TAFA2: variants seen among roughly 807,000 people sequenced by gnomAD.
TAFA2 encodes the protein chemokine-like protein TAFA-2.
Under a neutral mutation model 18.8 loss-of-function variants are expected in TAFA2, and 7 were observed. The observed-to-expected ratio is 0.37, with a 90% CI of 0.21 to 0.70. The LOEUF (loss-of-function observed/expected upper bound fraction) is 0.70. Among genes scored for constraint, TAFA2 ranks in the 30% least tolerant of loss-of-function variants. TAFA2 has a pLI of 0.53. For missense variants in TAFA2, 122 were observed against 158.1 expected (o/e 0.77, Z 1.23); for synonymous variants, 60 against 54.2 (o/e 1.11, Z -0.47).
chr12:62,066,485 T>C (rs1882492274), intron 1 of TAFA2, among the ~76,000 whole-genome samples: 1 of 151,868 alleles, frequency 6.6e-6, no homozygotes, highest in Non-Finnish European at 1.5e-5. Context: ...CTGGTAACCA[T>C]CCTTCTACTC....
intron 2 of TAFA2, among the ~76,000 whole-genome samples, chr12:61,857,653 C>G (rs1276537962): frequency 6.6e-6 from 1 of 152,182 alleles, no homozygotes; most frequent in East Asian, 1.9e-4. Flanking sequence ...TTGGCCTGAA[C>G]AAGACTTTTT....
At chr12:61,751,448 CCTT>C (rs757539009) in intron 4 of TAFA2, among the ~76,000 whole-genome samples, 2 of 151,992 alleles carry the variant, frequency 1.3e-5, no homozygotes, top group Non-Finnish European at 2.9e-5. Flanking sequence ...TCAAGAAGCT[CCTT>C]CTTTCAAGTC....
At chr12:61,797,120 A>G (rs1871219453) in intron 2 of TAFA2, among the ~76,000 whole-genome samples, 1 of 152,208 alleles carries the variant, frequency 6.6e-6, no homozygotes, top group Admixed American at 6.5e-5. Context: ...CTGAGCAATT[A>G]GCCTATTTAG....
intron 1 of TAFA2, among the ~76,000 whole-genome samples, chr12:62,132,344 C>G (rs1008415023): frequency 6.6e-6 from 1 of 151,654 alleles, no homozygotes; most frequent in African/African-American, 2.4e-5. Context: ...GGGTATCTCC[C>G]CAGTATCTAT....
chr12:62,210,478 A>G (rs1167768446), intron 1 of TAFA2, among the ~76,000 whole-genome samples: 1 of 152,198 alleles, frequency 6.6e-6, no homozygotes, highest in Non-Finnish European at 1.5e-5. Flanking sequence ...TGAAAAGTTA[A>G]GACAGAGCTT....
At chr12:61,970,540 A>G (rs555639542) in intron 1 of TAFA2, among the ~76,000 whole-genome samples, 1 of 133,236 alleles carries the variant, frequency 7.5e-6, no homozygotes, top group South Asian at 2.4e-4. Context: ...TTCAGAAGTT[A>G]TAATCTTAAA....
chr12:62,001,766 T>A (rs1202919247), intron 1 of TAFA2, among the ~76,000 whole-genome samples: 2 of 152,138 alleles, frequency 1.3e-5, no homozygotes. Flanking sequence ...TGGGGACCCC[T>A]AATATATAAT....
chr12:61,938,031 G>A (rs2121411199), intron 1 of TAFA2, among the ~76,000 whole-genome samples: 2 of 152,084 alleles, frequency 1.3e-5, no homozygotes, highest in Middle Eastern at 3.4e-3. Context: ...TATGCAAGTG[G>A]CCAATAAATA....
At chr12:62,078,608 T>G (rs765376625) in intron 1 of TAFA2, among the ~76,000 whole-genome samples, 1 of 152,104 alleles carries the variant, frequency 6.6e-6, no homozygotes, top group Non-Finnish European at 1.5e-5. Context: ...GTGCAGATGC[T>G]AAAAATTCCC....
At chr12:62,061,894 G>T (rs1190713969) in intron 1 of TAFA2, among the ~76,000 whole-genome samples, 1 of 152,128 alleles carries the variant, frequency 6.6e-6, no homozygotes, top group African/African-American at 2.4e-5. Context: ...GTAAGCATGA[G>T]AGTACTGAGC....
chr12:62,077,226 G>C (rs965928066), intron 1 of TAFA2, among the ~76,000 whole-genome samples: 1 of 152,104 alleles, frequency 6.6e-6, no homozygotes, highest in Non-Finnish European at 1.5e-5. Flanking sequence ...CAATTAATTT[G>C]ACACTAGTGA....
chr12:62,009,808 C>T (rs943921916), intron 1 of TAFA2, among the ~76,000 whole-genome samples: 1 of 152,132 alleles, frequency 6.6e-6, no homozygotes, highest in African/African-American at 2.4e-5. Context: ...AACTCCTAGT[C>T]CATGTTTTCT....
intron 1 of TAFA2, among the ~76,000 whole-genome samples, chr12:61,935,059 G>A (rs1877709640): frequency 6.6e-6 from 1 of 152,180 alleles, no homozygotes; most frequent in South Asian, 2.1e-4. Context: ...TGACTGTACA[G>A]CACCATCAAC....
At chr12:62,048,988 T>C (rs1442887819) in intron 1 of TAFA2, among the ~76,000 whole-genome samples, 1 of 149,738 alleles carries the variant, frequency 6.7e-6, no homozygotes, top group Non-Finnish European at 1.5e-5. Flanking sequence ...TTCATGTTGC[T>C]AAGCTATCAG....
In TAFA2 at chr12:61,736,543, T is replaced by C. The variant is rs568198247; in HGVS notation, c.384+17079A>G. ...TTGCAATCATGCTTAGACTGTCTTCTTTCTAAACTTGCTTTCATCTAATAC... is the reference window on the plus strand; with the variant it reads ...TTGCAATCATGCTTAGACTGTCTTCCTTCTAAACTTGCTTTCATCTAATAC... On this transcript the variant is annotated intron_variant, in intron 4 of 4. Transcript: ENST00000416284. 7.7e-4 allele frequency among the ~76,000 whole-genome samples: 117 copies of C among 152,180 alleles called. 2 individuals are homozygous for C. The highest frequency in any genetic ancestry group is 2.7e-3 in the African/African-American group (114 of 41,556).
intron 1 of TAFA2, among the ~76,000 whole-genome samples, chr12:62,083,145 C>T (rs557242671): frequency 2.6e-5 from 4 of 151,508 alleles, no homozygotes; most frequent in South Asian, 2.1e-4. Flanking sequence ...TTCCAGGCAC[C>T]GGGGATTGAA....
chr12:62,157,733 C>T (rs34431378), intron 1 of TAFA2, among the ~76,000 whole-genome samples: 18,727 of 152,204 alleles, frequency 0.12, 1,546 homozygotes, highest in East Asian at 0.34. Context: ...TAGCTAACAT[C>T]CTCCAGCCCC....
chr12:61,728,647 C>CTCAAGTATCAAGTATCA (rs71083955), intron 4 of TAFA2, among the ~76,000 whole-genome samples: 15,777 of 151,914 alleles, frequency 0.1, 1,074 homozygotes, highest in East Asian at 0.23. Flanking sequence ...CTCTTGAAGA[C>CTCAAGTATCAAGTATCA]AGCAGATACT....
intron 1 of TAFA2, among the ~76,000 whole-genome samples, chr12:61,929,680 A>G (rs1174066500): frequency 1.3e-5 from 2 of 151,894 alleles, no homozygotes; most frequent in Non-Finnish European, 2.9e-5. Context: ...ATTATAAATC[A>G]TGCTGCTATA....
Sources: gnomAD v4.1 joint callset for allele counts (sites outside exome capture counted in the v4.1 genomes callset) on GRCh38, gnomAD v4.1.1 for gene constraint, MANE v1.5 for transcripts, NCBI Gene and HGNC (gene_info 2026-07-23, HGNC 2026-07-21) for gene names.